The following PRR14L variants were observed in gnomAD, a reference collection of about 807,000 sequenced individuals.
PRR14L encodes proline rich 14 like, also known as protein PRR14L.
Under a neutral mutation model 155.0 loss-of-function variants are expected in PRR14L, and 80 were observed. That is an observed-to-expected ratio of 0.52 (90% CI 0.43 to 0.62). PRR14L has a LOEUF of 0.62. Among genes scored for constraint, PRR14L ranks in the 20% least tolerant of loss-of-function variants. PRR14L has a pLI of 0.00. For synonymous variants in PRR14L, 883 were observed against 916.0 expected (o/e 0.96, Z 0.65); for missense variants, 2,469 against 2,548.0 (o/e 0.97, Z 0.67).
chr22:31,743,073 T>G (rs1174945886), intron 1 of PRR14L, among the ~76,000 whole-genome samples: 2 of 151,916 alleles, frequency 1.3e-5, no homozygotes, highest in East Asian at 3.9e-4. Context: ...GAGGCCAAGG[T>G]GGGAGGATCA....
intron 7 of PRR14L, among the ~76,000 whole-genome samples, chr22:31,699,145 T>A (rs1054915036): frequency 6.6e-6 from 1 of 151,910 alleles, no homozygotes; most frequent in East Asian, 1.9e-4. Context: ...CAAGCGACTC[T>A]CCTGCCTCAG....
chr22:31,721,644 T>G (rs576957046), intron 3 of PRR14L, among the ~76,000 whole-genome samples: 1 of 151,974 alleles, frequency 6.6e-6, no homozygotes, highest in South Asian at 2.1e-4. Flanking sequence ...ATTGTGCCTA[T>G]AGCTTACAAT....
At chr22:31,688,901 T>TACACACAC (rs149232375) in intron 7 of PRR14L, among the ~76,000 whole-genome samples, 1,940 of 147,842 alleles carry the variant, frequency 0.013, 43 homozygotes, top group African/African-American at 0.045. Flanking sequence ...AATATATACA[T>TACACACAC]ACACACACAC....
chr22:31,688,028 A>T (rs1472130495), intron 8 of PRR14L, 128 bp downstream of exon 8: 1 of 151,856 alleles, frequency 6.6e-6, no homozygotes, highest in Non-Finnish European at 1.2e-5. Flanking sequence ...ACTCTGTCTC[A>T]AAAAAAAAAA....
intron 3 of PRR14L, among the ~76,000 whole-genome samples, chr22:31,722,574 G>A: frequency 6.7e-6 from 1 of 149,770 alleles, no homozygotes; most frequent in Non-Finnish European, 1.5e-5. Flanking sequence ...CCAGGCTGGA[G>A]TGCAGTGGAG....
At position 31,716,089 on chromosome 22, in the gene PRR14L, C is replaced by T. The variant is rs867858894; in HGVS notation, c.1750G>A (p.Val584Ile). The T allele has an allele frequency of 3.2e-6, 5 of 1,551,020 alleles. No individual in the cohort carries two copies. The Middle Eastern group carries it at 5.0e-4, about 155-fold the overall frequency. The change falls in exon 4 of 9, where the codon GTA (valine) becomes ATA (isoleucine). Residue 584 changes from valine to isoleucine, a missense_variant. Transcript: ENST00000327423. ...SLMPEDQISP[V>I]SEVLKPKQGT... is the part of the protein sequence containing the mutation. ...TGCTTGGGTTTTAATACCTCACTTACAGGACTTATTTGATCCTCTGGCATT... is the reference window on the plus strand; with the variant it reads ...TGCTTGGGTTTTAATACCTCACTTATAGGACTTATTTGATCCTCTGGCATT...
chr22:31,708,371 G>A (rs1046346407), intron 4 of PRR14L, among the ~76,000 whole-genome samples: 1 of 151,906 alleles, frequency 6.6e-6, no homozygotes, highest in African/African-American at 2.4e-5. Flanking sequence ...CTGTCGCCCA[G>A]GCTGGAGTGC....
chr22:31,717,395 C>G (rs959405087), intron 3 of PRR14L, 104 bp from the exon 4 acceptor site: 1 of 907,944 alleles, frequency 1.1e-6, no homozygotes, highest in Non-Finnish European at 1.6e-6. Context: ...AACAGAAGAC[C>G]CAACTCAAAA....
intron 6 of PRR14L, among the ~76,000 whole-genome samples, chr22:31,702,502 T>C (rs567646848): frequency 6.6e-6 from 1 of 152,090 alleles, no homozygotes; most frequent in Non-Finnish European, 1.5e-5. Context: ...ATTACAGATG[T>C]GAGCCACCGC....
intron 2 of PRR14L, among the ~76,000 whole-genome samples, chr22:31,736,045 T>C (rs2147874718): frequency 1.6e-5 from 2 of 122,744 alleles, no homozygotes; most frequent in African/African-American, 6.7e-5. Flanking sequence ...AGAGCAAGAC[T>C]CCATCTCAAA....
intron 1 of PRR14L, among the ~76,000 whole-genome samples, chr22:31,739,188 G>T (rs990480625): frequency 5.9e-5 from 9 of 152,216 alleles, no homozygotes; most frequent in African/African-American, 2.2e-4. Context: ...CAATGTAGAA[G>T]AGAATAAGAC....
intron 2 of PRR14L, among the ~76,000 whole-genome samples, chr22:31,727,392 C>T (rs2074722423): frequency 6.6e-6 from 1 of 151,884 alleles, no homozygotes. Flanking sequence ...CGCCGCCACA[C>T]CTGGTTAATT....
intron 4 of PRR14L, among the ~76,000 whole-genome samples, chr22:31,710,396 T>A (rs1214734827): frequency 6.6e-6 from 1 of 152,184 alleles, no homozygotes; most frequent in Non-Finnish European, 1.5e-5. Flanking sequence ...AATATTTTGT[T>A]TACTTAAATA....
Position 31,713,295 on chromosome 22 carries a change from A to T in PRR14L, c.4544T>A (p.Val1515Asp). The change falls in exon 4 of 9, where the codon GTT becomes GAT. Residue 1515 changes from valine (V) to aspartate (D), a missense_variant. Val to Asp is a radical substitution (Grantham distance 152). Transcript: ENST00000327423. Reference sequence around the variant, plus strand: ...ATGGGGCTGCTTCTTTAAGGGAAGAACTCCTTTCTTCGCAAAGGCACCATG... The same window carrying T: ...ATGGGGCTGCTTCTTTAAGGGAAGATCTCCTTTCTTCGCAAAGGCACCATG... Reference protein sequence around the residue: ...QIHGAFAKKGVLPLKKQPHRT... With the variant: ...QIHGAFAKKGDLPLKKQPHRT... 2 of 1,551,820 alleles carry T rather than the reference A, an allele frequency of 1.3e-6. No individual in the cohort carries two copies. The highest frequency in any genetic ancestry group is 2.4e-5 in the South Asian group (2 of 84,038).
chr22:31,687,399 G>A (rs1275719768), intron 8 of PRR14L, among the ~76,000 whole-genome samples: 1 of 150,606 alleles, frequency 6.6e-6, no homozygotes, highest in Non-Finnish European at 1.5e-5. Flanking sequence ...TGTTGCCCAG[G>A]CTGGAGTGCA....
chr22:31,715,568 C>T lies in PRR14L; in HGVS notation c.2271G>A (p.Arg757=), dbSNP rs773172397. ...CTGCTTCTCTCTTATTTGAGCGCAG[C>T]CTGGAATGTAGAGCTTTTGTTCCTG... ...ADSGTKALHS[R]LRSNKREAAG... is the part of the protein sequence containing the mutation. The change falls in exon 4 of 9, where the codon AGG becomes AGA. Residue 757 remains arginine (R), a synonymous_variant. Coordinates refer to ENST00000327423, the MANE Select transcript of PRR14L (RefSeq NM_173566.3). 2 of 1,551,910 alleles carry T rather than the reference C, an allele frequency of 1.3e-6. No individual in the cohort carries two copies. Among genetic ancestry groups the T allele is most frequent in the Non-Finnish European group, 1.7e-6 (2 of 1,147,066 alleles).
At chr22:31,740,929 G>A (rs1288422421) in intron 1 of PRR14L, among the ~76,000 whole-genome samples, 2 of 151,242 alleles carry the variant, frequency 1.3e-5, no homozygotes, top group African/African-American at 2.4e-5. Context: ...ATCACTTGAG[G>A]TCAGGAGTTC....
chr22:31,717,847 A>G (rs1265290576), intron 3 of PRR14L, among the ~76,000 whole-genome samples: 1 of 150,834 alleles, frequency 6.6e-6, no homozygotes, highest in East Asian at 1.9e-4. Flanking sequence ...TGCAACCTCC[A>G]CCTCTCAGCT....
At chr22:31,711,121 A>G (rs1287667065) in intron 4 of PRR14L, among the ~76,000 whole-genome samples, 2 of 152,156 alleles carry the variant, frequency 1.3e-5, no homozygotes, top group African/African-American at 2.4e-5. Context: ...GTGTGTTACT[A>G]TTTATAGTTT....
Sources: gnomAD v4.1 joint callset for allele counts (sites outside exome capture counted in the v4.1 genomes callset) on GRCh38, gnomAD v4.1.1 for gene constraint, MANE v1.5 for transcripts, NCBI Gene and HGNC (gene_info 2026-07-23, HGNC 2026-07-21) for gene names.